The following GNG4 variants were observed in gnomAD, a reference collection of about 807,000 sequenced individuals.
GNG4 encodes the protein G protein subunit gamma 4.
Under a neutral mutation model 5.8 loss-of-function variants are expected in GNG4, and 4 were observed. That is an observed-to-expected ratio of 0.69 (90% CI 0.34 to 1.57). The LOEUF is 1.57. GNG4 is among the 40% of genes most tolerant of loss of function. The pLI, the probability that GNG4 is intolerant of heterozygous loss-of-function variation, is 0.06. For synonymous variants in GNG4, 29 were observed against 32.9 expected, an observed-to-expected ratio of 0.88 and a Z score of 0.41; for missense variants, 96 against 95.1, an observed-to-expected ratio of 1.01 and a Z score of -0.04.
chr1:235,564,789 G>A (rs1018197016), intron 3 of GNG4, among the ~76,000 whole-genome samples: 18 of 152,104 alleles, frequency 1.2e-4, no homozygotes, highest in African/African-American at 4.3e-4. Flanking sequence ...GGGTTCAAGC[G>A]ATTCTTCTGC....
chr1:235,611,513 A>T (rs1319236466), intron 1 of GNG4, among the ~76,000 whole-genome samples: 1 of 152,156 alleles, frequency 6.6e-6, no homozygotes, highest in Admixed American at 6.6e-5. Context: ...CAGCACCAGC[A>T]GGAAGTCAGT....
chr1:235,624,227 C>A (rs998696263), intron 1 of GNG4, among the ~76,000 whole-genome samples: 1 of 151,882 alleles, frequency 6.6e-6, no homozygotes, highest in Admixed American at 6.6e-5. Flanking sequence ...CTCAGCCCCC[C>A]GAGTAGCTGG....
At chr1:235,639,619 C>G (rs552453797) in intron 1 of GNG4, among the ~76,000 whole-genome samples, 1 of 152,280 alleles carries the variant, frequency 6.6e-6, no homozygotes, top group East Asian at 1.9e-4. Flanking sequence ...TCTTAGCTCA[C>G]TGCAACCTCT....
chr1:235,592,689 G>A (rs903820859), intron 2 of GNG4, among the ~76,000 whole-genome samples: 12 of 151,974 alleles, frequency 7.9e-5, no homozygotes, highest in African/African-American at 2.4e-4. Flanking sequence ...GAAGATAGCC[G>A]CCCTTTTCGG....
chr1:235,581,883 G>A (rs2774332), intron 3 of GNG4, among the ~76,000 whole-genome samples: 67,257 of 152,006 alleles, frequency 0.44, 15,863 homozygotes, highest in East Asian at 0.79. Flanking sequence ...CCTCACAGGG[G>A]CTCCTGGGGC....
At chr1:235,562,296 T>C (rs540817088) in intron 3 of GNG4, among the ~76,000 whole-genome samples, 1 of 152,340 alleles carries the variant, frequency 6.6e-6, no homozygotes, top group South Asian at 2.1e-4. Flanking sequence ...TCTGGGTCTT[T>C]TGGCTTTCCA....
rs1051006016 is a variant in GNG4, at chr1:235,552,320, G to A, written c.100-83C>T. On this transcript the variant is annotated intron_variant, in intron 3 of 3. Transcript: ENST00000391854. Reference sequence around the variant, plus strand: ...GGGAAGAGGTGTCCACGTACAGAGGGGACAAGCCCTAGGGTAGGCTGTATT... The same window carrying A: ...GGGAAGAGGTGTCCACGTACAGAGGAGACAAGCCCTAGGGTAGGCTGTATT... The A allele has an allele frequency of 2.2e-5, 27 of 1,232,214 alleles. 1 individual carries two copies. The highest frequency in any genetic ancestry group is 2.9e-5 in the Non-Finnish European group (25 of 850,660). The allele number at this position is 1,232,214 out of a possible 1,614,324, so 76.3% of individuals were successfully genotyped here.
chr1:235,562,609 C>A (rs936879248), intron 3 of GNG4, among the ~76,000 whole-genome samples: 3 of 139,964 alleles, frequency 2.1e-5, no homozygotes, highest in African/African-American at 5.4e-5. Flanking sequence ...GGCACCACTG[C>A]ACTCCAGCTT....
chr1:235,647,761 A>G (rs969342997), intron 1 of GNG4, among the ~76,000 whole-genome samples: 3 of 152,130 alleles, frequency 2.0e-5, no homozygotes, highest in Non-Finnish European at 4.4e-5. Context: ...CAGCCTCCCA[A>G]GTAGCTGGGA....
At chr1:235,571,521 C>T (rs1291613357) in intron 3 of GNG4, among the ~76,000 whole-genome samples, 3 of 152,174 alleles carry the variant, frequency 2.0e-5, no homozygotes, top group African/African-American at 4.8e-5. Flanking sequence ...ATTTGCATGG[C>T]ATAATGAATG....
chr1:235,554,845 C>CAAAAAAAAAAAAAAAAAAAAA (rs34093722), intron 3 of GNG4, among the ~76,000 whole-genome samples: 1 of 84,404 alleles, frequency 1.2e-5, no homozygotes, highest in Non-Finnish European at 2.3e-5. Flanking sequence ...AACTCCATCT[C>CAAAAAAAAAAAAAAAAAAAAA]AAAAAAAAAA....
chr1:235,599,467 C>G (rs1315742149), intron 1 of GNG4, among the ~76,000 whole-genome samples: 1 of 152,002 alleles, frequency 6.6e-6, no homozygotes, highest in African/African-American at 2.4e-5. Flanking sequence ...CAGGCGCGAG[C>G]CAACACGCCT....
chr1:235,573,088 C>G (rs1687385221), intron 3 of GNG4, among the ~76,000 whole-genome samples: 1 of 152,060 alleles, frequency 6.6e-6, no homozygotes, highest in Non-Finnish European at 1.5e-5. Context: ...AAATGTCCAT[C>G]AATGATAGAC....
intron 2 of GNG4, among the ~76,000 whole-genome samples, chr1:235,590,697 C>T (rs1018128435): frequency 2.6e-5 from 4 of 152,128 alleles, no homozygotes; most frequent in African/African-American, 7.2e-5. Context: ...TTTTCTCTCT[C>T]CAAGGGGCTG....
At chr1:235,553,129 C>T (rs547292565) in intron 3 of GNG4, among the ~76,000 whole-genome samples, 71 of 152,280 alleles carry the variant, frequency 4.7e-4, no homozygotes, top group Non-Finnish European at 5.9e-4. Context: ...AAAGTTCTTT[C>T]CATTCCATTT....
At chr1:235,557,752 A>G (rs1028375236) in intron 3 of GNG4, among the ~76,000 whole-genome samples, 4 of 152,214 alleles carry the variant, frequency 2.6e-5, no homozygotes, top group African/African-American at 9.6e-5. Flanking sequence ...ATGACCAAGC[A>G]TTAAAGGAGT....
At chr1:235,588,658 G>A (rs1393015958) in intron 2 of GNG4, among the ~76,000 whole-genome samples, 1 of 151,890 alleles carries the variant, frequency 6.6e-6, no homozygotes, top group African/African-American at 2.4e-5. Flanking sequence ...GGCCCTCAGA[G>A]CTACCTGGCA....
At chr1:235,578,958 G>A (rs1452734645) in intron 3 of GNG4, among the ~76,000 whole-genome samples, 3 of 152,006 alleles carry the variant, frequency 2.0e-5, no homozygotes, top group Non-Finnish European at 2.9e-5. Context: ...TTAGCTGGAC[G>A]CGGTGGTGCA....
chr1:235,608,781 T>G (rs969174707), intron 1 of GNG4, among the ~76,000 whole-genome samples: 1 of 151,970 alleles, frequency 6.6e-6, no homozygotes, highest in African/African-American at 2.4e-5. Context: ...CCTCCCGAGT[T>G]GAAGTAATCC....
Sources: allele counts gnomAD v4.1 joint callset (sites outside exome capture counted in the v4.1 genomes callset), GRCh38; gene constraint gnomAD v4.1.1; transcripts MANE v1.5; gene names NCBI Gene and HGNC (gene_info 2026-07-23, HGNC 2026-07-21).